The following KLHL32 variants were observed in gnomAD, a reference collection of about 807,000 sequenced individuals.
KLHL32 encodes kelch like family member 32, also known as kelch-like protein 32.
In KLHL32, 35 loss-of-function variants were observed where a neutral mutation model predicts 64.8. The observed-to-expected ratio is 0.54, with a 90% CI of 0.41 to 0.72. The LOEUF (loss-of-function observed/expected upper bound fraction) is 0.72, where lower values mean the gene tolerates loss of function less well. KLHL32 is among the 30% of genes least tolerant of loss of function. The pLI is 0.00. For missense variants in KLHL32, 589 were observed against 768.5 expected, an observed-to-expected ratio of 0.77 and a Z score of 2.76; for synonymous variants, 259 against 281.0, an observed-to-expected ratio of 0.92 and a Z score of 0.78.
rs557699862 is a variant in KLHL32 at position 96,983,962 on chromosome 6, T to C, written c.204+7785T>C. On this transcript the variant is annotated intron_variant, in intron 3 of 10. Coordinates refer to ENST00000369261, the MANE Select transcript of KLHL32 (RefSeq NM_052904.4). ...GCTCTTGCTTCTCTAGTTCTTTTAA[T>C]GGTGATGTTAGGGTGTCAATTTTAG... is the stretch of plus-strand genomic sequence containing the variant. Among the ~76,000 whole-genome samples, 17 of 152,328 alleles carry C rather than the reference T, an allele frequency of 1.1e-4. No individual in the cohort carries two copies. In the East Asian group the frequency reaches 3.3e-3, roughly 29 times the overall value.
At chr6:97,035,651 C>G (rs934465214) in intron 3 of KLHL32, among the ~76,000 whole-genome samples, 1 of 151,766 alleles carries the variant, frequency 6.6e-6, no homozygotes, top group African/African-American at 2.4e-5. Flanking sequence ...AATGTGTCGT[C>G]CCACTCTCTT....
At chr6:96,921,863 G>A (rs1055239524), upstream of KLHL32, among the ~76,000 whole-genome samples, 1 of 152,100 alleles carries the variant, frequency 6.6e-6, no homozygotes, top group Non-Finnish European at 1.5e-5. Context: ...TCATGGACAA[G>A]CTGATGATAG....
chr6:97,026,093 A>G (rs1354740892), intron 3 of KLHL32, among the ~76,000 whole-genome samples: 2 of 152,108 alleles, frequency 1.3e-5, no homozygotes, highest in African/African-American at 4.8e-5. Flanking sequence ...AAATAAATAC[A>G]TTATATATAT....
At chr6:97,063,650 C>G (rs987343556) in intron 4 of KLHL32, among the ~76,000 whole-genome samples, 7 of 152,162 alleles carry the variant, frequency 4.6e-5, no homozygotes, top group Non-Finnish European at 1.0e-4. Context: ...GCATCAGAGC[C>G]ACTCAGGACA....
At chr6:97,104,710 A>T (rs1423414199) in intron 6 of KLHL32, among the ~76,000 whole-genome samples, 1 of 152,200 alleles carries the variant, frequency 6.6e-6, no homozygotes, top group Non-Finnish European at 1.5e-5. Flanking sequence ...TTACAAGGAA[A>T]ATGTTGACGC....
intron 3 of KLHL32, among the ~76,000 whole-genome samples, chr6:96,983,110 AG>A (rs1298826393): frequency 6.6e-6 from 1 of 152,270 alleles, no homozygotes. Context: ...ATTTTCTCAA[AG>A]GTCTTTTCTG....
chr6:97,001,641 T>A (rs1232085607), intron 3 of KLHL32, among the ~76,000 whole-genome samples: 3 of 152,216 alleles, frequency 2.0e-5, no homozygotes, highest in Admixed American at 6.5e-5. Flanking sequence ...CTAATTTTTC[T>A]TATATTTTTG....
At chr6:97,014,905 T>G (rs1311344002) in intron 3 of KLHL32, among the ~76,000 whole-genome samples, 1 of 152,230 alleles carries the variant, frequency 6.6e-6, no homozygotes, top group Non-Finnish European at 1.5e-5. Context: ...TCTCGAATTT[T>G]AATCCCCATA....
intron 3 of KLHL32, among the ~76,000 whole-genome samples, chr6:97,018,090 G>C (rs1202602686): frequency 6.6e-6 from 1 of 152,144 alleles, no homozygotes; most frequent in African/African-American, 2.4e-5. Flanking sequence ...AACTAGGACA[G>C]TGTGGAAACT....
At chr6:97,043,854 A>C (rs1025812523) in intron 4 of KLHL32, among the ~76,000 whole-genome samples, 1 of 152,016 alleles carries the variant, frequency 6.6e-6, no homozygotes, top group East Asian at 1.9e-4. Context: ...TCTTCTTTTG[A>C]GAAGTGTCTA....
At chr6:97,119,391 G>A (rs1166900098) in intron 7 of KLHL32, among the ~76,000 whole-genome samples, 1 of 152,134 alleles carries the variant, frequency 6.6e-6, no homozygotes, top group Non-Finnish European at 1.5e-5. Context: ...AGGAGGAGGA[G>A]GCAGAGAGTG....
chr6:96,984,428 A>G (rs573333451), intron 3 of KLHL32, among the ~76,000 whole-genome samples: 201 of 152,196 alleles, frequency 1.3e-3, no homozygotes, highest in African/African-American at 4.6e-3. Context: ...CAATTCCTGG[A>G]TATCCTTGTT....
At chr6:97,047,815 G>A (rs537518824) in intron 4 of KLHL32, among the ~76,000 whole-genome samples, 3 of 152,272 alleles carry the variant, frequency 2.0e-5, no homozygotes, top group South Asian at 4.2e-4. Flanking sequence ...ACAGTGAAGA[G>A]CAGAAAACAT....
At chr6:96,990,732 A>G (rs898564294) in intron 3 of KLHL32, among the ~76,000 whole-genome samples, 1 of 149,540 alleles carries the variant, frequency 6.7e-6, no homozygotes, top group Admixed American at 6.6e-5. Context: ...AGAGTTGGGC[A>G]GCTGTGTTAT....
At chr6:97,003,532 T>C (rs191401039) in intron 3 of KLHL32, among the ~76,000 whole-genome samples, 7 of 152,204 alleles carry the variant, frequency 4.6e-5, no homozygotes, top group Non-Finnish European at 4.4e-5. Flanking sequence ...TTTGTTGCAA[T>C]TGCTTTCGGC....
At chr6:96,988,892 G>A (rs539218102) in intron 3 of KLHL32, among the ~76,000 whole-genome samples, 6 of 152,132 alleles carry the variant, frequency 3.9e-5, no homozygotes, top group East Asian at 3.8e-4. Context: ...CTCACAGGTG[G>A]GAATTGAACA....
intron 6 of KLHL32, chr6:97,105,310 A>T (rs964663089): frequency 1.0e-5 from 4 of 391,340 alleles, no homozygotes; most frequent in African/African-American, 8.4e-5. Context: ...CATTCTATTA[A>T]AACACGCTTT....
chr6:97,135,299 A>ATTTTTTTTTT (rs747635380), intron 10 of KLHL32, among the ~76,000 whole-genome samples: 1 of 109,568 alleles, frequency 9.1e-6, no homozygotes, highest in Non-Finnish European at 1.8e-5. Flanking sequence ...AAATTTGTTA[A>ATTTTTTTTTT]TTTTTTTTTT....
chr6:97,016,821 T>A (rs2128099738), intron 3 of KLHL32, among the ~76,000 whole-genome samples: 1 of 152,270 alleles, frequency 6.6e-6, no homozygotes, highest in African/African-American at 2.4e-5. Flanking sequence ...GATCCTGCGG[T>A]TGGTTTACCC....
Sources: gnomAD v4.1 joint callset for allele counts (sites outside exome capture counted in the v4.1 genomes callset) on GRCh38, gnomAD v4.1.1 for gene constraint, MANE v1.5 for transcripts, NCBI Gene and HGNC (gene_info 2026-07-23, HGNC 2026-07-21) for gene names.